Variants in MCTP2 observed in about 807,000 individuals in gnomAD.
MCTP2 encodes multiple C2 and transmembrane domain-containing protein 2.
In MCTP2, 132 loss-of-function variants were observed where a neutral mutation model predicts 111.6. That is an observed-to-expected ratio of 1.18 (90% CI 1.03 to 1.37). MCTP2 has a LOEUF of 1.37. Ranked by LOEUF, MCTP2 falls within the 40% of genes most tolerant of loss-of-function variation. The probability of loss-of-function intolerance (pLI) is 0.00; values close to 1 mark genes in which losing one functional copy is unlikely to be tolerated. For missense variants in MCTP2, 1,183 were observed against 1,067.9 expected, an observed-to-expected ratio of 1.11 and a Z score of -1.50; for synonymous variants, 395 against 387.7, an observed-to-expected ratio of 1.02 and a Z score of -0.22.
intron 4 of MCTP2, among the ~76,000 whole-genome samples, chr15:94,336,770 T>C (rs1225033041): frequency 6.6e-6 from 1 of 151,920 alleles, no homozygotes; most frequent in African/African-American, 2.4e-5. Context: ...CATATATATG[T>C]ATATATGTAC....
chr15:94,471,867 G>T (rs911085864), intron 21 of MCTP2, among the ~76,000 whole-genome samples: 3 of 151,440 alleles, frequency 2.0e-5, no homozygotes, highest in Non-Finnish European at 4.4e-5. Context: ...CTACTATCTT[G>T]TTTACTGATA....
intron 2 of MCTP2, among the ~76,000 whole-genome samples, chr15:94,312,615 A>G (rs1238495139): frequency 6.6e-6 from 1 of 152,246 alleles, no homozygotes; most frequent in Non-Finnish European, 1.5e-5. Flanking sequence ...AACACAGTGT[A>G]TTCACAGTCT....
At chr15:94,458,368 A>G (rs994466454) in intron 20 of MCTP2, 122 bp downstream of exon 20, 14 of 667,566 alleles carry the variant, frequency 2.1e-5, no homozygotes, top group Non-Finnish European at 3.8e-5. Flanking sequence ...CCAAAGCAAC[A>G]CTGTTGGGTT....
At chr15:94,258,302 A>T (rs1403739639) in intron 1 of MCTP2, among the ~76,000 whole-genome samples, 6 of 152,100 alleles carry the variant, frequency 3.9e-5, no homozygotes, top group Admixed American at 3.9e-4. Context: ...TGGTAAACAG[A>T]TTTATTTCTA....
At chr15:94,232,051 G>A (rs1340026750) in intron 1 of MCTP2, 1 of 152,208 alleles carries the variant, frequency 6.6e-6, no homozygotes, top group Non-Finnish European at 1.5e-5. Context: ...TCTTCGTAGA[G>A]ACCCGGAGGT....
intron 17 of MCTP2, among the ~76,000 whole-genome samples, chr15:94,419,238 T>C (rs2082512810): frequency 6.6e-6 from 1 of 152,140 alleles, no homozygotes. Flanking sequence ...AAGTCTGATA[T>C]TCCCCTAATT....
intron 22 of MCTP2, among the ~76,000 whole-genome samples, chr15:94,477,820 T>A (rs2074490389): frequency 6.6e-6 from 1 of 152,182 alleles, no homozygotes; most frequent in Non-Finnish European, 1.5e-5. Context: ...TGAAAACACA[T>A]TCTAGAAAGA....
chr15:94,253,001 G>A (rs1377686161), intron 1 of MCTP2, among the ~76,000 whole-genome samples: 2 of 152,112 alleles, frequency 1.3e-5, no homozygotes, highest in Non-Finnish European at 2.9e-5. Context: ...CGAGGTGTCT[G>A]CTGCCCTCCC....
At chr15:94,464,698 G>A (rs1485293837) in intron 20 of MCTP2, among the ~76,000 whole-genome samples, 1 of 151,770 alleles carries the variant, frequency 6.6e-6, no homozygotes, top group Non-Finnish European at 1.5e-5. Flanking sequence ...CAAACATTTT[G>A]GCATGTAATA....
At chr15:94,410,276 A>G (rs962245415) in intron 17 of MCTP2, among the ~76,000 whole-genome samples, 1 of 152,162 alleles carries the variant, frequency 6.6e-6, no homozygotes, top group African/African-American at 2.4e-5. Flanking sequence ...AACCTGTTCA[A>G]TGACAGGGTG....
chr15:94,438,649 T>C (rs546316920), intron 17 of MCTP2, among the ~76,000 whole-genome samples: 1 of 152,286 alleles, frequency 6.6e-6, no homozygotes, highest in Non-Finnish European at 1.5e-5. Flanking sequence ...CCAACCATTC[T>C]TGATCTTAAA....
rs114778220 is a variant in MCTP2, at chr15:94,391,939, A to G, written c.1788+6414A>G. 6.3e-4 allele frequency among the ~76,000 whole-genome samples: 96 copies of G among 152,314 alleles called. 1 individual carries two copies. Among genetic ancestry groups the G allele is most frequent in the African/African-American group, 2.1e-3 (89 of 41,568 alleles). ...ACATGGATTCAAAGAGTAAAATCTA[A>G]TTGCTGCTTCTTTGAGACACCTAAA... is the stretch of plus-strand genomic sequence containing the variant. On this transcript the variant is annotated intron_variant, in intron 14 of 22. Coordinates refer to ENST00000357742, the MANE Select transcript of MCTP2 (RefSeq NM_001385001.1).
chr15:94,457,052 C>T (rs1319020559), intron 19 of MCTP2, among the ~76,000 whole-genome samples: 1 of 152,128 alleles, frequency 6.6e-6, no homozygotes, highest in East Asian at 1.9e-4. Context: ...CAGGAATGTC[C>T]TCTTAAATTT....
At chr15:94,328,295 AT>A (rs1188292529) in intron 4 of MCTP2, among the ~76,000 whole-genome samples, 1 of 151,446 alleles carries the variant, frequency 6.6e-6, no homozygotes, top group East Asian at 1.9e-4. Context: ...CGCCCGGCTA[AT>A]TTTTTGTATT....
chr15:94,412,168 G>A (rs1037403729), intron 17 of MCTP2, among the ~76,000 whole-genome samples: 9 of 152,168 alleles, frequency 5.9e-5, no homozygotes, highest in Non-Finnish European at 4.4e-5. Flanking sequence ...TCATTTGTTT[G>A]AATAGAGGAT....
intron 12 of MCTP2, among the ~76,000 whole-genome samples, chr15:94,383,531 A>G (rs61185839): frequency 6.6e-6 from 1 of 152,208 alleles, no homozygotes; most frequent in Non-Finnish European, 1.5e-5. Flanking sequence ...TCACAGTTCC[A>G]CGTGGCTGGG....
intron 19 of MCTP2, among the ~76,000 whole-genome samples, chr15:94,444,881 C>T (rs915317076): frequency 1.5e-4 from 23 of 152,098 alleles, no homozygotes; most frequent in Admixed American, 5.9e-4. Context: ...ATGTCCTCCC[C>T]GCTTTAGGAA....
At chr15:94,273,623 T>C (rs973660003) in intron 1 of MCTP2, 23 of 202,486 alleles carry the variant, frequency 1.1e-4, no homozygotes, top group African/African-American at 5.1e-4. Context: ...AGAAATACAA[T>C]GTCTGCTCCA....
intron 10 of MCTP2, among the ~76,000 whole-genome samples, chr15:94,365,616 G>C (rs1234778681): frequency 6.6e-6 from 1 of 152,110 alleles, no homozygotes; most frequent in Non-Finnish European, 1.5e-5. Flanking sequence ...AGCGTTACTA[G>C]AGTACTCTAG....
Sources: gnomAD v4.1 joint callset for allele counts (sites outside exome capture counted in the v4.1 genomes callset) on GRCh38, gnomAD v4.1.1 for gene constraint, MANE v1.5 for transcripts, NCBI Gene and HGNC (gene_info 2026-07-23, HGNC 2026-07-21) for gene names.